KCNH1: variants seen among roughly 807,000 people sequenced by gnomAD.
The protein encoded by KCNH1 is potassium voltage-gated channel subfamily H member 1.
Under a neutral mutation model 69.2 loss-of-function variants are expected in KCNH1, and 27 were observed. The ratio of observed to expected loss-of-function variants is 0.39; its 90% CI spans 0.29 to 0.54. The LOEUF is 0.54. KCNH1 is among the 20% of genes least tolerant of loss of function. The probability of loss-of-function intolerance (pLI) is 0.68; values close to 1 mark genes in which losing one functional copy is unlikely to be tolerated. For missense variants in KCNH1, 798 were observed against 1,261.6 expected, an observed-to-expected ratio of 0.63 and a Z score of 5.57; for synonymous variants, 456 against 487.7, an observed-to-expected ratio of 0.93 and a Z score of 0.86.
intron 6 of KCNH1, among the ~76,000 whole-genome samples, chr1:210,937,426 G>A (rs183016817): frequency 6.6e-6 from 1 of 152,322 alleles, no homozygotes; most frequent in Admixed American, 6.5e-5. Context: ...ACTACAGTAT[G>A]AGCACATGAT....
chr1:210,831,071 GTCT>G (rs1685152187), intron 7 of KCNH1, among the ~76,000 whole-genome samples: 1 of 152,186 alleles, frequency 6.6e-6, no homozygotes, highest in Non-Finnish European at 1.5e-5. Flanking sequence ...TCAATTCTAA[GTCT>G]GACCAAGCAT....
At chr1:210,765,080 T>C (rs1341368065) in intron 10 of KCNH1, among the ~76,000 whole-genome samples, 1 of 152,206 alleles carries the variant, frequency 6.6e-6, no homozygotes, top group East Asian at 1.9e-4. Flanking sequence ...CTGAAGGCCA[T>C]TATCCTAAGT....
chr1:211,000,683 A>G (rs1231299366), intron 6 of KCNH1, among the ~76,000 whole-genome samples: 2 of 152,202 alleles, frequency 1.3e-5, no homozygotes, highest in East Asian at 3.9e-4. Context: ...ATATGGAACA[A>G]AAAAAGAGCC....
At chr1:211,043,101 C>T (rs1184129370) in intron 5 of KCNH1, among the ~76,000 whole-genome samples, 2 of 152,006 alleles carry the variant, frequency 1.3e-5, no homozygotes, top group African/African-American at 2.4e-5. Flanking sequence ...AGGGAAATAA[C>T]CATGATCAGA....
chr1:210,956,068 A>G (rs1045197265), intron 6 of KCNH1, among the ~76,000 whole-genome samples: 4 of 152,114 alleles, frequency 2.6e-5, no homozygotes, highest in Non-Finnish European at 4.4e-5. Flanking sequence ...TTATTTTGAG[A>G]TACGTCCCAT....
intron 10 of KCNH1, among the ~76,000 whole-genome samples, chr1:210,722,526 T>A (rs1682495631): frequency 1.3e-5 from 2 of 152,158 alleles, no homozygotes; most frequent in Non-Finnish European, 2.9e-5. Flanking sequence ...AAGGGCCTGG[T>A]AGTGTTGATG....
At chr1:210,886,466 CCAAA>C (rs1686607628) in intron 7 of KCNH1, among the ~76,000 whole-genome samples, 1 of 152,020 alleles carries the variant, frequency 6.6e-6, no homozygotes, top group Admixed American at 6.6e-5. Flanking sequence ...TCTGAAAATT[CCAAA>C]AACCAGAATG....
At chr1:210,808,844 T>C (rs1684640115) in intron 7 of KCNH1, among the ~76,000 whole-genome samples, 5 of 152,114 alleles carry the variant, frequency 3.3e-5, no homozygotes, top group Admixed American at 3.3e-4. Flanking sequence ...CCTGAATAGA[T>C]ATATGAGTGT....
At position 210,683,908 on chromosome 1, in the gene KCNH1, G is replaced by A. The variant is rs562325348; in HGVS notation, c.2343C>T (p.Ser781=). Residue 781 remains serine (S), a synonymous_variant, in exon 11 of 11, where the codon AGC becomes AGT. Coordinates refer to ENST00000271751, the MANE Select transcript of KCNH1 (RefSeq NM_172362.3). This position sits in a 1 kb window ranked among gnomAD's most constrained non-coding sequence, Gnocchi z 5.7. ...CGGTGACCACGCTGGCCTTCACGAG[G>A]CTGTGGTTGGCGGAGGCATGCTCTG... ...VLTEHASANH[S]LVKASVVTVR... The A allele has an allele frequency of 6.2e-6, 10 of 1,613,260 alleles. No homozygotes were observed. In the South Asian group the frequency reaches 8.8e-5, roughly 14 times the overall value.
chr1:210,995,995 T>C (rs776998913), intron 6 of KCNH1, among the ~76,000 whole-genome samples: 2 of 151,736 alleles, frequency 1.3e-5, no homozygotes, highest in East Asian at 3.9e-4. Context: ...ATTAAGATTT[T>C]TGAGGGTGGC....
At chr1:210,917,918 C>T (rs895493053) in intron 7 of KCNH1, among the ~76,000 whole-genome samples, 1 of 152,166 alleles carries the variant, frequency 6.6e-6, no homozygotes, top group East Asian at 1.9e-4. Context: ...AAGCAATTAG[C>T]CACCCACAGA....
chr1:210,692,064 G>A (rs1042196452), intron 10 of KCNH1, among the ~76,000 whole-genome samples: 6 of 152,340 alleles, frequency 3.9e-5, no homozygotes, highest in East Asian at 3.9e-4. Flanking sequence ...CTGGCTCTCA[G>A]CACACTGCTA....
intron 10 of KCNH1, among the ~76,000 whole-genome samples, chr1:210,742,827 A>C (rs1045761553): frequency 6.6e-6 from 1 of 152,002 alleles, no homozygotes; most frequent in Admixed American, 6.5e-5. Flanking sequence ...GAGGAGGCTC[A>C]GTTCATGGTG....
rs746119968 is a variant in KCNH1, at chr1:211,034,172, C to A, written c.559-14916G>T. Among the ~76,000 whole-genome samples, 60 of 152,116 alleles carry A rather than the reference C, an allele frequency of 3.9e-4. 1 individual carries two copies. The highest frequency in any genetic ancestry group is 3.7e-4 in the Non-Finnish European group (25 of 67,992). On this transcript the variant is annotated intron_variant, in intron 5 of 10. Transcript: ENST00000271751. ...AGCTTTACTCATAATTGGCCAAAAC[C>A]GGAAACAATCCAAATATCCTTCAAC...
chr1:210,689,574 G>A (rs12759150), intron 10 of KCNH1, among the ~76,000 whole-genome samples: 21,944 of 152,242 alleles, frequency 0.14, 1,808 homozygotes, highest in African/African-American at 0.21. Context: ...GGGCTGAGGT[G>A]TGAGTCATTG....
At chr1:210,842,319 A>C (rs1685429080) in intron 7 of KCNH1, among the ~76,000 whole-genome samples, 1 of 152,150 alleles carries the variant, frequency 6.6e-6, no homozygotes, top group East Asian at 1.9e-4. Flanking sequence ...CAAATATAAC[A>C]AGTGTTATCT....
chr1:210,805,544 T>A (rs1684533237), intron 7 of KCNH1, among the ~76,000 whole-genome samples: 1 of 152,038 alleles, frequency 6.6e-6, no homozygotes, highest in Admixed American at 6.5e-5. Context: ...TTTTCTAGAA[T>A]TTTATATACA....
intron 6 of KCNH1, among the ~76,000 whole-genome samples, chr1:210,987,920 G>A (rs975906164): frequency 9.2e-5 from 14 of 152,222 alleles, no homozygotes; most frequent in Admixed American, 7.9e-4. Context: ...TTGAGCTGTA[G>A]TGGGCTCCAC....
chr1:210,993,054 A>C (rs940825998), intron 6 of KCNH1, among the ~76,000 whole-genome samples: 2 of 152,200 alleles, frequency 1.3e-5, no homozygotes, highest in African/African-American at 4.8e-5. Context: ...GTGATCTGAC[A>C]GTGGAGCACA....
Sources: allele counts gnomAD v4.1 joint callset (sites outside exome capture counted in the v4.1 genomes callset), GRCh38; gene constraint gnomAD v4.1.1; non-coding constraint Gnocchi (gnomAD v3.1); transcripts MANE v1.5; gene names NCBI Gene and HGNC (gene_info 2026-07-23, HGNC 2026-07-21).